The following MRPL46 variants were observed in gnomAD, a reference collection of about 807,000 sequenced individuals.
MRPL46 encodes large ribosomal subunit protein mL46.
Under a neutral mutation model 31.0 loss-of-function variants are expected in MRPL46, and 26 were observed. The observed-to-expected ratio is 0.84, with a 90% confidence interval of 0.61 to 1.16. The LOEUF (loss-of-function observed/expected upper bound fraction) is 1.16. MRPL46 is among the 50% of genes most tolerant of loss of function. The pLI is 0.00. For missense variants in MRPL46, 395 were observed against 340.0 expected, an observed-to-expected ratio of 1.16 and a Z score of -1.27; for synonymous variants, 159 against 141.3, an observed-to-expected ratio of 1.13 and a Z score of -0.89.
At chr15:88,460,166 T>A in intron 3 of MRPL46, 1 of 348,926 alleles carries the variant, frequency 2.9e-6, no homozygotes, top group Non-Finnish European at 5.3e-6. Flanking sequence ...GTTCCTACAT[T>A]CAGCCCAGTC....
At position 88,460,190 on chromosome 15, in the gene MRPL46, G is replaced by GAATCAGCCCAGTCGCTATCTGCTGGCT. The variant is rs2055464929; in HGVS notation, c.590-328_590-327insAGCCAGCAGATAGCGACTGGGCTGATT. 19 of 283,288 alleles carry GAATCAGCCCAGTCGCTATCTGCTGGCT rather than the reference G, an allele frequency of 6.7e-5. No homozygotes were observed. The South Asian group carries it at 9.1e-4, about 14-fold the overall frequency. The allele number at this position is 283,288 out of a possible 1,614,324, so 17.5% of individuals were successfully genotyped here. Reference sequence around the variant, plus strand: ...TTCAGCCCAGTCGCTATCTGCTGGCGAATCAGCCCAGTCGCTATGCTGGCG... The same window carrying GAATCAGCCCAGTCGCTATCTGCTGGCT: ...TTCAGCCCAGTCGCTATCTGCTGGCGAATCAGCCCAGTCGCTATCTGCTGGCTAATCAGCCCAGTCGCTATGCTGGCG... On this transcript the variant is annotated intron_variant, in intron 3 of 3. Coordinates refer to ENST00000312475, the MANE Select transcript of MRPL46 (RefSeq NM_022163.4).
intron 3 of MRPL46, chr15:88,460,176 C>CGCTATCTGCTGGCGAATCAGCCCAGTA (rs2055464686): frequency 3.2e-6 from 1 of 315,846 alleles, no homozygotes; most frequent in African/African-American, 2.1e-5. Flanking sequence ...TCAGCCCAGT[C>CGCTATCTGCTGGCGAATCAGCCCAGTA]GCTATCTGCT....
At position 88,466,197 on chromosome 15, in the gene MRPL46, T is replaced by C. The variant is rs1258888570; in HGVS notation, c.229-424A>G. On this transcript the variant is annotated intron_variant, in intron 1 of 3. Coordinates refer to ENST00000312475, the MANE Select transcript of MRPL46 (RefSeq NM_022163.4). ...CTTTCTTCTGGGAGAGTCCTACTCA[T>C]CTTTCTGATTTCAATTTAAATATGA... 2.0e-5 allele frequency among the ~76,000 whole-genome samples: 3 copies of C among 152,262 alleles called. No homozygotes were observed. In the South Asian group the frequency reaches 6.2e-4, roughly 32 times the overall value.
Position 88,467,352 on chromosome 15 carries a change from A to C in MRPL46, c.26T>G (p.Leu9Arg), listed in dbSNP as rs971665839. The C allele has an allele frequency of 3.8e-6, 6 of 1,593,564 alleles. No homozygotes were observed. Among genetic ancestry groups the C allele is most frequent in the Non-Finnish European group, 5.1e-6 (6 of 1,169,844 alleles). MAAPVRRTLLGVAGGWRRF... is the reference protein window; with the variant it reads MAAPVRRTRLGVAGGWRRF... ...CCGCCAACCCCCCGCCACCCCTAAC[A>C]GCGTCCGCCTTACGGGCGCCGCCAT... The change falls in exon 1 of 4, where the codon CTG becomes CGG. Residue 9 changes from leucine to arginine, a missense_variant. Leu to Arg is a moderately radical substitution (Grantham distance 102). Transcript: ENST00000312475.
rs1320457910 is a variant in MRPL46 at position 88,467,128 on chromosome 15, G to A, written c.228+22C>T. Reference sequence around the variant, plus strand: ...AGTCACGCAGAATAAACGTCACTCTGAACCCTGCATCTCAGTCCCACCTGC... The same window carrying A: ...AGTCACGCAGAATAAACGTCACTCTAAACCCTGCATCTCAGTCCCACCTGC... On this transcript the variant is annotated intron_variant, in intron 1 of 3. Coordinates refer to ENST00000312475, the MANE Select transcript of MRPL46 (RefSeq NM_022163.4). 2.5e-6 allele frequency: 4 copies of A among 1,609,454 alleles called. No individual in the cohort carries two copies. In the African/African-American group the frequency reaches 4.0e-5, roughly 16 times the overall value.
chr15:88,465,415 GA>G (rs1433872014), intron 2 of MRPL46, 171 bp downstream of exon 2: 3 of 673,798 alleles, frequency 4.5e-6, no homozygotes, highest in Non-Finnish European at 6.7e-6. Context: ...CCTCTCACCC[GA>G]AAATAAGACA....
chr15:88,466,473 C>G (rs1290611697), intron 1 of MRPL46, among the ~76,000 whole-genome samples: 1 of 152,224 alleles, frequency 6.6e-6, no homozygotes, highest in African/African-American at 2.4e-5. Context: ...TTATTCATTA[C>G]AGCATCTCTA....
At chr15:88,461,298 A>G (rs949825684) in intron 3 of MRPL46, 10 of 152,186 alleles carry the variant, frequency 6.6e-5, no homozygotes, top group Non-Finnish European at 1.3e-4. Context: ...TTAAAAATCA[A>G]TGCAGATACT....
intron 1 of MRPL46, among the ~76,000 whole-genome samples, chr15:88,466,589 A>T (rs1352926495): frequency 6.6e-6 from 1 of 152,256 alleles, no homozygotes; most frequent in South Asian, 2.1e-4. Context: ...TCAAGCAAAA[A>T]GCACAGAAGA....
Position 88,459,531 on chromosome 15 carries a change from G to A in MRPL46, c.*82C>T. 1.3e-6 allele frequency: 2 copies of A among 1,566,116 alleles called. No homozygotes were observed. The highest frequency in any genetic ancestry group is 2.3e-5 in the South Asian group (2 of 85,628). ...TTTAGTTTGCTGCTTGATATTACCT[G>A]CAAATGTGAGGCAATCACACAATGT... On this transcript the variant is annotated 3_prime_UTR_variant, in exon 4 of 4. Transcript: ENST00000312475.
chr15:88,466,995 C>G (rs2055545839), intron 1 of MRPL46, among the ~76,000 whole-genome samples, 155 bp downstream of exon 1: 1 of 152,162 alleles, frequency 6.6e-6, no homozygotes, highest in African/African-American at 2.4e-5. Context: ...TGAAAAGAAA[C>G]CACTTTTTGT....
At chr15:88,466,037 G>C (rs890251243) in intron 1 of MRPL46, among the ~76,000 whole-genome samples, 3 of 152,162 alleles carry the variant, frequency 2.0e-5, no homozygotes, top group African/African-American at 7.2e-5. Context: ...CAGAGAGCTG[G>C]GTTGGGCAAT....
intron 3 of MRPL46, chr15:88,460,465 G>A (rs968554171): frequency 1.9e-5 from 3 of 153,994 alleles, no homozygotes; most frequent in East Asian, 3.8e-4. Context: ...AAAAACAGAT[G>A]AGTAGACAGT....
chr15:88,460,211 T>TGGCGAATCAGCCCAGTCGCTATGCC (rs1331843672), intron 3 of MRPL46: 11 of 257,086 alleles, frequency 4.3e-5, no homozygotes, highest in African/African-American at 2.5e-4. Context: ...GTCGCTATGC[T>TGGCGAATCAGCCCAGTCGCTATGCC]GGCGAATCAG....
chr15:88,460,217 A>C, intron 3 of MRPL46: 1 of 249,396 alleles, frequency 4.0e-6, no homozygotes, highest in South Asian at 5.7e-5. Context: ...ATGCTGGCGA[A>C]TCAGCCCAGT....
chr15:88,464,705 G>T lies in MRPL46; in HGVS notation c.587C>A (p.Ser196Ter). The T allele has an allele frequency of 6.2e-7, 1 of 1,611,448 alleles. No individual in the cohort carries two copies. The highest frequency in any genetic ancestry group is 8.5e-7 in the Non-Finnish European group (1 of 1,178,928). Residue 196 changes from serine to a stop codon, truncating the protein, a stop_gained and splice_region_variant, in exon 3 of 4, where the codon TCA (serine) becomes TAA (stop). Transcript: ENST00000312475. LOFTEE classifies it high-confidence loss of function. ...GTAERTLATL[S>*]ENNMEAKFLG... ...TTAGAGGAAGGCAGAAAACCCACCT[G>T]AGAGTGTGGCCAGGGTTCGTTCAGC...
chr15:88,463,487 C>T lies in MRPL46; in HGVS notation c.589+1216G>A, dbSNP rs1166798503. On this transcript the variant is annotated intron_variant, in intron 3 of 3. Transcript: ENST00000312475. This position sits in a 1 kb window ranked among gnomAD's most constrained non-coding sequence, Gnocchi z 5.4. ...TGTATTCTCCACTAGAACACAAGCT[C>T]CTAGGGAGTAGGGTAGTGTCCTGTT... 1 of 152,130 alleles carries T rather than the reference C, an allele frequency of 6.6e-6. No homozygotes were observed. Among genetic ancestry groups the T allele is most frequent in the Non-Finnish European group, 1.5e-5 (1 of 68,020 alleles). 9.4% of individuals were successfully genotyped at this position (152,130 alleles called of 1,614,324 possible). A position where few individuals can be genotyped will look rare whatever the true frequency, so the allele number is the denominator to read the frequency against.
chr15:88,459,549 C>A lies in MRPL46; in HGVS notation c.*64G>T. The A allele has an allele frequency of 2.5e-6, 4 of 1,597,124 alleles. No individual in the cohort carries two copies. Among genetic ancestry groups the A allele is most frequent in the Non-Finnish European group, 3.4e-6 (4 of 1,171,024 alleles). On this transcript the variant is annotated 3_prime_UTR_variant, in exon 4 of 4. Coordinates refer to ENST00000312475, the MANE Select transcript of MRPL46 (RefSeq NM_022163.4). ...ATTACCTGCAAATGTGAGGCAATCACACAATGTCCTTGAGGCTCTAATCCC... is the reference window on the plus strand; with the variant it reads ...ATTACCTGCAAATGTGAGGCAATCAAACAATGTCCTTGAGGCTCTAATCCC...
At position 88,467,156 on chromosome 15, in the gene MRPL46, CA is replaced by C; in HGVS notation, c.221del (p.Leu74ArgfsTer6). The C allele has an allele frequency of 2.5e-6, 4 of 1,613,776 alleles. No homozygotes were observed. In the South Asian group the frequency reaches 4.4e-5, roughly 18 times the overall value. On this transcript the variant is annotated frameshift_variant, in exon 1 of 4. Coordinates refer to ENST00000312475, the MANE Select transcript of MRPL46 (RefSeq NM_022163.4). LOFTEE classifies it high-confidence loss of function. ...TPLQEEMASL[L>X]QQIEIERSLY... ...CCCTGCATCTCAGTCCCACCTGCTG[CA>C]GTAGAGACGCCATCTCTTCCTGCAA...
Sources: gnomAD v4.1 joint callset for allele counts (sites outside exome capture counted in the v4.1 genomes callset) on GRCh38, gnomAD v4.1.1 for gene constraint, Gnocchi (gnomAD v3.1) non-coding constraint, MANE v1.5 for transcripts, NCBI Gene and HGNC (gene_info 2026-07-23, HGNC 2026-07-21) for gene names.